The following VTCN1 variants were observed in gnomAD, a reference collection of about 807,000 sequenced individuals.
VTCN1 encodes V-set domain-containing T-cell activation inhibitor 1.
VTCN1 carries 26 observed loss-of-function variants against 26.5 expected under a neutral mutation model. The observed-to-expected ratio is 0.98, with a 90% CI of 0.72 to 1.36. VTCN1 has a LOEUF of 1.36. Among genes scored for constraint, VTCN1 ranks in the 40% most tolerant of loss-of-function variants. The pLI is 0.00. For missense variants in VTCN1, 298 were observed against 337.7 expected, an observed-to-expected ratio of 0.88 and a Z score of 0.92; for synonymous variants, 116 against 130.7, an observed-to-expected ratio of 0.89 and a Z score of 0.77.
chr1:117,207,704 C>G (rs992226487), intron 1 of VTCN1, among the ~76,000 whole-genome samples: 1 of 152,162 alleles, frequency 6.6e-6, no homozygotes, highest in African/African-American at 2.4e-5. Context: ...TAGCTCTCCT[C>G]TCTCTTCCTT....
In VTCN1 at chr1:117,161,036, C is replaced by T. The variant is rs1202132203; in HGVS notation, c.98-4115G>A. On this transcript the variant is annotated intron_variant, in intron 2 of 5. Transcript: ENST00000369458. The surrounding 1 kb of genome is among the most constrained non-coding windows in gnomAD (Gnocchi z 4.3). Reference sequence around the variant, plus strand: ...GGAGGCTTGAGAGCGTGAGAAAAGACACTTTGGAAGCAGCTGCCATGCATG... The same window carrying T: ...GGAGGCTTGAGAGCGTGAGAAAAGATACTTTGGAAGCAGCTGCCATGCATG... 6.6e-6 allele frequency among the ~76,000 whole-genome samples: 1 copy of T among 152,184 alleles called. No homozygotes were observed. Among genetic ancestry groups the T allele is most frequent in the East Asian group, 1.9e-4 (1 of 5,188 alleles).
intron 1 of VTCN1, among the ~76,000 whole-genome samples, chr1:117,177,925 T>TC (rs944503312): frequency 2.0e-5 from 3 of 150,738 alleles, no homozygotes; most frequent in African/African-American, 7.3e-5. Flanking sequence ...TCTTTTCTTT[T>TC]TTTTTTTTTT....
chr1:117,146,490 T>C lies in VTCN1; in HGVS notation c.*45+1123A>G, dbSNP rs1170361038. Among the ~76,000 whole-genome samples the C allele has an allele frequency of 6.6e-6, 1 of 152,170 alleles. No individual in the cohort carries two copies. The highest frequency in any genetic ancestry group is 1.5e-5 in the Non-Finnish European group (1 of 68,024). ...GAGAGTGTAAGACATAAATCATACA[T>C]GCATGCCAAGAGGATATAAAATACA... On this transcript the variant is annotated intron_variant, in intron 5 of 5. Transcript: ENST00000369458. The surrounding 1 kb of genome is among the most constrained non-coding windows in gnomAD (Gnocchi z 4.2).
At chr1:117,182,030 G>A (rs1180527814) in intron 1 of VTCN1, among the ~76,000 whole-genome samples, 1 of 152,168 alleles carries the variant, frequency 6.6e-6, no homozygotes, top group Non-Finnish European at 1.5e-5. Flanking sequence ...ATTCAGAGAA[G>A]CACTTGGGCT....
At chr1:117,163,195 C>T (rs1652457760) in intron 2 of VTCN1, among the ~76,000 whole-genome samples, 1 of 152,206 alleles carries the variant, frequency 6.6e-6, no homozygotes, top group African/African-American at 2.4e-5. Flanking sequence ...GATACGGGAA[C>T]AATGTAGGAA....
chr1:117,210,212 T>TCAGCAGCAGCAGCAGCAGCAG (rs71582595), intron 1 of VTCN1, among the ~76,000 whole-genome samples: 39 of 150,238 alleles, frequency 2.6e-4, no homozygotes, highest in African/African-American at 9.1e-4. Flanking sequence ...TCTGGGGAGT[T>TCAGCAGCAGCAGCAGCAGCAG]CAGCAGCAGC....
rs535934733 is a variant in VTCN1, at chr1:117,169,317, C to A, written c.97+790G>T. Among the ~76,000 whole-genome samples the A allele has an allele frequency of 6.6e-6, 1 of 152,322 alleles. No individual in the cohort carries two copies. The highest frequency in any genetic ancestry group is 2.1e-4 in the South Asian group (1 of 4,826). Reference sequence around the variant, plus strand: ...CAGAAACTAACCATCTGTGCTACAGCGGTATCTGTTTCCTACATGGTACAG... The same window carrying A: ...CAGAAACTAACCATCTGTGCTACAGAGGTATCTGTTTCCTACATGGTACAG... On this transcript the variant is annotated intron_variant, in intron 2 of 5. Transcript: ENST00000369458. The surrounding 1 kb of genome is among the most constrained non-coding windows in gnomAD (Gnocchi z 4.0).
At chr1:117,154,323 C>T (rs1254122790) in intron 3 of VTCN1, among the ~76,000 whole-genome samples, 1 of 152,146 alleles carries the variant, frequency 6.6e-6, no homozygotes, top group African/African-American at 2.4e-5. Context: ...TTGATCCTCA[C>T]AACACTCCTG....
At chr1:117,210,735 A>C (rs373758402) in intron 1 of VTCN1, 89 bp downstream of exon 1, 1 of 1,422,454 alleles carries the variant, frequency 7.0e-7, no homozygotes, top group South Asian at 1.2e-5. Context: ...GTGGGGTCCT[A>C]TGGGACAGCC....
intron 1 of VTCN1, among the ~76,000 whole-genome samples, chr1:117,196,118 C>T (rs1935781): frequency 0.12 from 18,356 of 152,002 alleles, 1,425 homozygotes; most frequent in Non-Finnish European, 0.18. Context: ...TACCACTGCA[C>T]TCCAGGTGAG....
At chr1:117,195,417 G>A (rs138512363) in intron 1 of VTCN1, among the ~76,000 whole-genome samples, 116 of 151,938 alleles carry the variant, frequency 7.6e-4, no homozygotes, top group African/African-American at 2.6e-3. Flanking sequence ...TGTGGTAATC[G>A]TTTCACAATG....
intron 2 of VTCN1, among the ~76,000 whole-genome samples, chr1:117,162,585 G>T (rs1022580440): frequency 2.0e-5 from 3 of 152,200 alleles, no homozygotes; most frequent in Non-Finnish European, 4.4e-5. Flanking sequence ...AATGGGCACA[G>T]ATTTTAAGCA....
intron 4 of VTCN1, among the ~76,000 whole-genome samples, chr1:117,151,460 A>T (rs951320902): frequency 2.0e-5 from 3 of 152,162 alleles, no homozygotes; most frequent in Non-Finnish European, 4.4e-5. Context: ...CACAGACAGC[A>T]GCCCTACCGG....
chr1:117,163,190 G>A lies in VTCN1; in HGVS notation c.98-6269C>T, dbSNP rs150056905. ...AAGGACACTGGGCAAGGCCAGATAC[G>A]GGAACAATGTAGGAAAGCAGCAGAA... On this transcript the variant is annotated intron_variant, in intron 2 of 5. Transcript: ENST00000369458. Among the ~76,000 whole-genome samples the A allele has an allele frequency of 4.3e-4, 65 of 152,304 alleles. No homozygotes were observed. The East Asian group carries it at 0.01, about 24-fold the overall frequency.
chr1:117,188,590 C>T (rs553936785), intron 1 of VTCN1, among the ~76,000 whole-genome samples: 2 of 152,294 alleles, frequency 1.3e-5, no homozygotes, highest in Non-Finnish European at 2.9e-5. Context: ...AATCAATTCA[C>T]CAATCACATT....
rs886603278 is a variant in VTCN1, at chr1:117,146,963, G to A, written c.*45+650C>T. 2.0e-5 allele frequency among the ~76,000 whole-genome samples: 3 copies of A among 152,164 alleles called. No homozygotes were observed. The highest frequency in any genetic ancestry group is 7.2e-5 in the African/African-American group (3 of 41,424). On this transcript the variant is annotated intron_variant, in intron 5 of 5. Coordinates refer to ENST00000369458, the MANE Select transcript of VTCN1 (RefSeq NM_024626.4). This position sits in a 1 kb window ranked among gnomAD's most constrained non-coding sequence, Gnocchi z 4.2. ...GGGGAAAATGTGATAGGTAGGGGTT[G>A]ATAAGAAATTGACATGCGGGACAGA...
intron 1 of VTCN1, among the ~76,000 whole-genome samples, chr1:117,203,244 G>C (rs1275714986): frequency 6.6e-6 from 1 of 152,002 alleles, no homozygotes; most frequent in Non-Finnish European, 1.5e-5. Flanking sequence ...CTGAGGCTGG[G>C]GTGGGGAGAA....
rs188542955 is a variant in VTCN1, at chr1:117,161,647, G to A, written c.98-4726C>T. Among the ~76,000 whole-genome samples, 1 of 152,282 alleles carries A rather than the reference G, an allele frequency of 6.6e-6. No homozygotes were observed. Among genetic ancestry groups the A allele is most frequent in the African/African-American group, 2.4e-5 (1 of 41,552 alleles). On this transcript the variant is annotated intron_variant, in intron 2 of 5. Transcript: ENST00000369458. This position sits in a 1 kb window ranked among gnomAD's most constrained non-coding sequence, Gnocchi z 4.3. The stretch of plus-strand genomic sequence containing the variant: ...TTATGAATAAATGAATAAATAAATG[G>A]AAATCAGTAGAAATCAAAGCATTGT...
rs1652255461 is a variant in VTCN1, at chr1:117,159,415, T to C, written c.98-2494A>G. On this transcript the variant is annotated intron_variant, in intron 2 of 5. Coordinates refer to ENST00000369458, the MANE Select transcript of VTCN1 (RefSeq NM_024626.4). The surrounding 1 kb of genome is among the most constrained non-coding windows in gnomAD (Gnocchi z 4.7). ...TAAAACCATAAGATCTTGTGAGACT[T>C]ATTTACTACCATGAGAACAGTATGG... Among the ~76,000 whole-genome samples the C allele has an allele frequency of 6.6e-6, 1 of 152,214 alleles. No individual in the cohort carries two copies. The highest frequency in any genetic ancestry group is 2.1e-4 in the South Asian group (1 of 4,832).
Sources: gnomAD v4.1 joint callset for allele counts (sites outside exome capture counted in the v4.1 genomes callset) on GRCh38, gnomAD v4.1.1 for gene constraint, Gnocchi (gnomAD v3.1) non-coding constraint, MANE v1.5 for transcripts, NCBI Gene and HGNC (gene_info 2026-07-23, HGNC 2026-07-21) for gene names.